SNTG1: variants seen among roughly 807,000 people sequenced by gnomAD.
SNTG1 encodes the protein syntrophin gamma 1.
SNTG1 carries 39 observed loss-of-function variants against 74.7 expected under a neutral mutation model. That is an observed-to-expected ratio of 0.52 (90% CI 0.40 to 0.68). The LOEUF (loss-of-function observed/expected upper bound fraction) is 0.68. Ranked by LOEUF, SNTG1 falls within the 30% of genes least tolerant of loss-of-function variation. The pLI is 0.00. For synonymous variants in SNTG1, 254 were observed against 217.1 expected (o/e 1.17, Z -1.49); for missense variants, 685 against 609.5 (o/e 1.12, Z -1.30).
intron 2 of SNTG1, among the ~76,000 whole-genome samples, chr8:50,198,116 G>GC (rs1391770798): frequency 6.6e-6 from 1 of 152,036 alleles, no homozygotes; most frequent in East Asian, 1.9e-4. Flanking sequence ...AGCAGCCTGT[G>GC]CCCAGAGCGC....
intron 4 of SNTG1, among the ~76,000 whole-genome samples, chr8:50,405,743 T>C (rs2092865799): frequency 6.6e-6 from 1 of 152,100 alleles, no homozygotes; most frequent in South Asian, 2.1e-4. Context: ...TCTTTTCCAC[T>C]ATATTTTCTT....
intron 2 of SNTG1, among the ~76,000 whole-genome samples, chr8:50,291,242 A>ATGTGTGTG (rs35700232): frequency 1.9e-4 from 28 of 149,286 alleles, no homozygotes; most frequent in African/African-American, 6.1e-4. Flanking sequence ...AGACAGACAT[A>ATGTGTGTG]TGTGTGTGTG....
chr8:50,570,360 G>A (rs1227815882), intron 12 of SNTG1, among the ~76,000 whole-genome samples: 1 of 147,976 alleles, frequency 6.8e-6, no homozygotes, highest in East Asian at 2.0e-4. Flanking sequence ...CAGGGTTCAA[G>A]CGATTCTCCT....
chr8:49,976,856 T>A (rs1211128387), intron 1 of SNTG1, among the ~76,000 whole-genome samples: 1 of 152,200 alleles, frequency 6.6e-6, no homozygotes, highest in African/African-American at 2.4e-5. Flanking sequence ...CTAAATGGCA[T>A]GCTTTCTTTG....
chr8:50,288,521 T>G (rs2088910487), intron 2 of SNTG1, among the ~76,000 whole-genome samples: 1 of 152,154 alleles, frequency 6.6e-6, no homozygotes, highest in Non-Finnish European at 1.5e-5. Context: ...TGTCATTTTT[T>G]AAATTTACTG....
intron 1 of SNTG1, among the ~76,000 whole-genome samples, chr8:50,008,357 C>A (rs9643692): frequency 0.64 from 97,704 of 152,054 alleles, 35,498 homozygotes; most frequent in East Asian, 0.84. Context: ...CTAATATGTA[C>A]ACATTTCTTA....
At chr8:50,272,838 G>A (rs1367895520) in intron 2 of SNTG1, among the ~76,000 whole-genome samples, 1 of 151,198 alleles carries the variant, frequency 6.6e-6, no homozygotes, top group African/African-American at 2.4e-5. Context: ...CTGGGATTAA[G>A]CAATCCTCCT....
At chr8:50,585,948 T>C (rs1237195325) in intron 12 of SNTG1, among the ~76,000 whole-genome samples, 2 of 152,202 alleles carry the variant, frequency 1.3e-5, no homozygotes, top group Non-Finnish European at 2.9e-5. Context: ...GAAATGAAGG[T>C]ATACTATGTC....
chr8:50,746,967 A>C (rs1383759928), intron 17 of SNTG1, among the ~76,000 whole-genome samples: 1 of 150,914 alleles, frequency 6.6e-6, no homozygotes, highest in African/African-American at 2.4e-5. Flanking sequence ...GTCAAACAAT[A>C]AATGCAAGTT....
At chr8:50,558,618 G>A (rs904817913) in intron 12 of SNTG1, among the ~76,000 whole-genome samples, 10 of 151,430 alleles carry the variant, frequency 6.6e-5, no homozygotes, top group Non-Finnish European at 1.3e-4. Flanking sequence ...TATAACCGGT[G>A]GGAAAGATGG....
chr8:50,657,551 A>G (rs4606076), intron 14 of SNTG1, among the ~76,000 whole-genome samples: 3 of 152,158 alleles, frequency 2.0e-5, no homozygotes, highest in Admixed American at 2.0e-4. Context: ...AGGAAATTTC[A>G]AAATGATAGC....
At chr8:50,323,866 T>C (rs936629834) in intron 2 of SNTG1, among the ~76,000 whole-genome samples, 5 of 152,112 alleles carry the variant, frequency 3.3e-5, no homozygotes, top group Non-Finnish European at 7.3e-5. Context: ...TCAAAAACTT[T>C]AACAATTTAC....
chr8:50,627,077 T>G (rs1424086652), intron 13 of SNTG1, among the ~76,000 whole-genome samples: 1 of 152,182 alleles, frequency 6.6e-6, no homozygotes, highest in African/African-American at 2.4e-5. Context: ...CTTAGCATCA[T>G]TTAATCCTTT....
intron 2 of SNTG1, among the ~76,000 whole-genome samples, chr8:50,245,728 A>G (rs2086370136): frequency 6.6e-6 from 1 of 152,100 alleles, no homozygotes; most frequent in Admixed American, 6.6e-5. Flanking sequence ...AAAGGATGTA[A>G]AATAGATGTA....
At chr8:49,928,053 C>T (rs1464638610) in intron 1 of SNTG1, among the ~76,000 whole-genome samples, 7 of 150,384 alleles carry the variant, frequency 4.7e-5, no homozygotes, top group South Asian at 2.1e-4. Context: ...CGCTTGAATC[C>T]GGGAGGCGGA....
chr8:50,153,780 G>A (rs1170906084), intron 1 of SNTG1, among the ~76,000 whole-genome samples: 3 of 152,166 alleles, frequency 2.0e-5, no homozygotes, highest in Non-Finnish European at 2.9e-5. Flanking sequence ...TCTCAGATGG[G>A]TACCCAGCTG....
chr8:49,989,143 A>C (rs1318843878), intron 1 of SNTG1, among the ~76,000 whole-genome samples: 3 of 151,974 alleles, frequency 2.0e-5, no homozygotes, highest in Non-Finnish European at 1.5e-5. Context: ...GAAGATATAG[A>C]AAATTGGGGA....
chr8:50,465,575 C>T (rs539519729), intron 8 of SNTG1, among the ~76,000 whole-genome samples: 1 of 152,090 alleles, frequency 6.6e-6, no homozygotes, highest in Admixed American at 6.6e-5. Context: ...GTTTCACTGC[C>T]CTAAAAAATC....
At chr8:50,636,215 T>C (rs1294526628) in intron 13 of SNTG1, among the ~76,000 whole-genome samples, 1 of 150,880 alleles carries the variant, frequency 6.6e-6, no homozygotes, top group Non-Finnish European at 1.5e-5. Context: ...AAAGGACTCT[T>C]TTTCAGAGCT....
Sources: gnomAD v4.1 joint callset for allele counts (sites outside exome capture counted in the v4.1 genomes callset) on GRCh38, gnomAD v4.1.1 for gene constraint, MANE v1.5 for transcripts, NCBI Gene and HGNC (gene_info 2026-07-23, HGNC 2026-07-21) for gene names.